The following ANAPC10 variants were observed in gnomAD, a reference collection of about 807,000 sequenced individuals.
ANAPC10 encodes anaphase-promoting complex subunit 10.
ANAPC10 carries 12 observed loss-of-function variants against 22.0 expected under a neutral mutation model. The observed-to-expected ratio is 0.55, with a 90% CI of 0.35 to 0.88. The LOEUF (loss-of-function observed/expected upper bound fraction) is 0.88, where lower values mean the gene tolerates loss of function less well. Among genes scored for constraint, ANAPC10 ranks in the 40% least tolerant of loss-of-function variants. ANAPC10 has a pLI of 0.01. For missense variants in ANAPC10, 188 were observed against 220.9 expected (o/e 0.85, Z 0.94); for synonymous variants, 65 against 69.5 (o/e 0.94, Z 0.32).
At chr4:145,019,310 C>G (rs1735652523) in intron 4 of ANAPC10, among the ~76,000 whole-genome samples, 1 of 152,050 alleles carries the variant, frequency 6.6e-6, no homozygotes, top group Admixed American at 6.6e-5. Flanking sequence ...TCAAAACATG[C>G]AAATACATGG....
intron 4 of ANAPC10, among the ~76,000 whole-genome samples, chr4:145,047,575 A>G (rs1740503635): frequency 6.6e-6 from 1 of 152,118 alleles, no homozygotes; most frequent in Admixed American, 6.6e-5. Context: ...GCAAATCTTC[A>G]TTCAAAATAA....
At chr4:145,012,479 A>G (rs1050695765) in intron 4 of ANAPC10, among the ~76,000 whole-genome samples, 1 of 152,086 alleles carries the variant, frequency 6.6e-6, no homozygotes, top group Non-Finnish European at 1.5e-5. Flanking sequence ...CTTTTAATAA[A>G]AATTCTACAG....
At chr4:145,091,412 ATCAAACAG>A (rs1321884570) in intron 2 of ANAPC10, among the ~76,000 whole-genome samples, 8 of 152,214 alleles carry the variant, frequency 5.3e-5, no homozygotes, top group Non-Finnish European at 8.8e-5. Context: ...ATACTAATAG[ATCAAACAG>A]TGAAAGATGT....
intron 4 of ANAPC10, among the ~76,000 whole-genome samples, chr4:145,050,387 G>T (rs1438771628): frequency 6.6e-6 from 1 of 152,078 alleles, no homozygotes; most frequent in African/African-American, 2.4e-5. Flanking sequence ...ATAGCACATG[G>T]GCAGAATAAA....
At chr4:145,091,547 G>A (rs1042047265) in intron 2 of ANAPC10, among the ~76,000 whole-genome samples, 3 of 152,092 alleles carry the variant, frequency 2.0e-5, no homozygotes, top group Non-Finnish European at 4.4e-5. Context: ...GGAAATCACC[G>A]CTACAGTATT....
intron 3 of ANAPC10, among the ~76,000 whole-genome samples, chr4:145,067,357 T>C (rs868520919): frequency 6.6e-6 from 1 of 152,120 alleles, no homozygotes; most frequent in Non-Finnish European, 1.5e-5. Flanking sequence ...CATAAGATAT[T>C]ACAAGAGTGG....
At chr4:145,053,994 T>C (rs1053684848) in intron 4 of ANAPC10, among the ~76,000 whole-genome samples, 1 of 151,740 alleles carries the variant, frequency 6.6e-6, no homozygotes, top group South Asian at 2.1e-4. Flanking sequence ...CTGCAACCTC[T>C]GCCTCCCAGG....
chr4:145,006,262 A>G (rs567631634), intron 4 of ANAPC10, among the ~76,000 whole-genome samples: 1 of 152,226 alleles, frequency 6.6e-6, no homozygotes, highest in Admixed American at 6.6e-5. Context: ...GTCTGAAATT[A>G]TAGCAACCCA....
chr4:145,018,554 C>T (rs1230780208), intron 4 of ANAPC10, among the ~76,000 whole-genome samples: 1 of 151,960 alleles, frequency 6.6e-6, no homozygotes, highest in Admixed American at 6.6e-5. Flanking sequence ...AGGAGAATTG[C>T]TTTAACCTGA....
At chr4:145,071,324 T>C (rs1211283532) in intron 3 of ANAPC10, among the ~76,000 whole-genome samples, 2 of 152,160 alleles carry the variant, frequency 1.3e-5, no homozygotes, top group Non-Finnish European at 2.9e-5. Context: ...GAGAATTGCT[T>C]GAATCTGGGA....
intron 4 of ANAPC10, among the ~76,000 whole-genome samples, chr4:145,029,515 T>C (rs1737234346): frequency 2.0e-5 from 3 of 152,170 alleles, no homozygotes; most frequent in African/African-American, 2.4e-5. Context: ...AGAACAAGCA[T>C]GGGAATGGAT....
chr4:145,007,627 A>G (rs1048637470), intron 4 of ANAPC10, among the ~76,000 whole-genome samples: 1 of 152,222 alleles, frequency 6.6e-6, no homozygotes, highest in Non-Finnish European at 1.5e-5. Context: ...TTTTGAAACC[A>G]ATGAGAACAA....
intron 4 of ANAPC10, among the ~76,000 whole-genome samples, chr4:145,008,678 G>A (rs1733809581): frequency 2.6e-5 from 4 of 152,236 alleles, no homozygotes; most frequent in Non-Finnish European, 2.9e-5. Flanking sequence ...AGGAATTGAT[G>A]GGACGTATCT....
intron 4 of ANAPC10, among the ~76,000 whole-genome samples, chr4:145,044,286 A>G (rs1259190647): frequency 1.3e-5 from 2 of 152,180 alleles, no homozygotes; most frequent in Non-Finnish European, 2.9e-5. Flanking sequence ...TGCAACAATG[A>G]CTATCAAATC....
At chr4:145,031,355 C>T (rs543919072) in intron 4 of ANAPC10, among the ~76,000 whole-genome samples, 7 of 152,154 alleles carry the variant, frequency 4.6e-5, no homozygotes, top group Non-Finnish European at 8.8e-5. Context: ...ACTAAAATTC[C>T]GGGACCGTCG....
At chr4:145,068,046 T>G (rs1162539043) in intron 3 of ANAPC10, among the ~76,000 whole-genome samples, 1 of 152,048 alleles carries the variant, frequency 6.6e-6, no homozygotes, top group Admixed American at 6.6e-5. Flanking sequence ...GAGGATAAAA[T>G]CTACAAGCTA....
chr4:145,082,366 C>T (rs927919803), intron 2 of ANAPC10, among the ~76,000 whole-genome samples: 5 of 152,208 alleles, frequency 3.3e-5, no homozygotes, highest in Admixed American at 2.6e-4. Context: ...TCAGGCCGGT[C>T]TCGAACTCCC....
At chr4:145,080,036 C>G (rs1745742513) in intron 3 of ANAPC10, among the ~76,000 whole-genome samples, 1 of 148,884 alleles carries the variant, frequency 6.7e-6, no homozygotes, top group African/African-American at 2.5e-5. Flanking sequence ...ATCACTTGAA[C>G]CTGGGAGGTA....
intron 4 of ANAPC10, among the ~76,000 whole-genome samples, chr4:145,033,649 GA>G (rs1374160389): frequency 1.3e-5 from 2 of 152,176 alleles, no homozygotes; most frequent in African/African-American, 4.8e-5. Context: ...ATCCAGGCAG[GA>G]CTACAAATGA....
Sources: allele counts gnomAD v4.1 joint callset (sites outside exome capture counted in the v4.1 genomes callset), GRCh38; gene constraint gnomAD v4.1.1; transcripts MANE v1.5; gene names NCBI Gene and HGNC (gene_info 2026-07-23, HGNC 2026-07-21).